GTF2A1L: variants seen among roughly 807,000 people sequenced by gnomAD.
GTF2A1L encodes general transcription factor IIA subunit 1 like.
Under a neutral mutation model 49.7 loss-of-function variants are expected in GTF2A1L, and 48 were observed. The observed-to-expected ratio is 0.97, with a 90% CI of 0.77 to 1.23. GTF2A1L has a LOEUF of 1.23. Ranked by LOEUF, GTF2A1L falls within the 50% of genes most tolerant of loss-of-function variation. GTF2A1L has a pLI of 0.00. For synonymous variants in GTF2A1L, 246 were observed against 193.5 expected, an observed-to-expected ratio of 1.27 and a Z score of -2.25; for missense variants, 736 against 564.8, an observed-to-expected ratio of 1.30 and a Z score of -3.07.
intron 7 of GTF2A1L, among the ~76,000 whole-genome samples, chr2:48,671,022 A>G (rs1375514388): frequency 1.3e-5 from 2 of 152,034 alleles, no homozygotes; most frequent in Admixed American, 6.6e-5. Flanking sequence ...GGGTTTCACC[A>G]TGCTGGCCAA....
intron 8 of GTF2A1L, among the ~76,000 whole-genome samples, chr2:48,676,628 T>C (rs1400380371): frequency 2.6e-5 from 4 of 151,876 alleles, no homozygotes; most frequent in African/African-American, 4.8e-5. Context: ...CTTTTTGTTA[T>C]ACACAGAAGT....
At chr2:48,674,710 A>G (rs1450640841) in intron 8 of GTF2A1L, among the ~76,000 whole-genome samples, 1 of 152,140 alleles carries the variant, frequency 6.6e-6, no homozygotes, top group Non-Finnish European at 1.5e-5. Flanking sequence ...TGGATGTGGT[A>G]TCCTTTGTTT....
At chr2:48,617,950 C>T in intron 1 of GTF2A1L, 55 bp downstream of exon 1, 4 of 1,522,906 alleles carry the variant, frequency 2.6e-6, no homozygotes, top group Non-Finnish European at 3.6e-6. Context: ...TCCGGGTTCA[C>T]GGCAGCCGAA....
chr2:48,642,384 AT>A lies in GTF2A1L; in HGVS notation c.248-14del. 6.4e-7 allele frequency: 1 copy of A among 1,557,008 alleles called. No individual in the cohort carries two copies. On this transcript the variant is annotated splice_polypyrimidine_tract_variant and intron_variant, in intron 3 of 8. Transcript: ENST00000403751. ...GGTAAATTCTAATGAATGTATATTT[AT>A]TTTGTTTCCTATGCAGCATCATTAG...
At chr2:48,652,957 C>A (rs1045970306) in intron 6 of GTF2A1L, among the ~76,000 whole-genome samples, 1 of 151,580 alleles carries the variant, frequency 6.6e-6, no homozygotes, top group Non-Finnish European at 1.5e-5. Context: ...AGGCCGGGCA[C>A]GGTGGCTCAC....
intron 6 of GTF2A1L, among the ~76,000 whole-genome samples, chr2:48,648,306 G>T (rs965835685): frequency 1.3e-5 from 2 of 151,980 alleles, no homozygotes; most frequent in African/African-American, 4.8e-5. Context: ...ATTTGATTTT[G>T]AGGTAAAACT....
At chr2:48,645,547 G>A (rs577225902) in intron 5 of GTF2A1L, among the ~76,000 whole-genome samples, 13 of 152,232 alleles carry the variant, frequency 8.5e-5, no homozygotes, top group East Asian at 1.9e-4. Flanking sequence ...GAGGTTAACC[G>A]GTTTCTGCTT....
In GTF2A1L at chr2:48,669,959, C is replaced by A. The variant is rs1334913877; in HGVS notation, c.1216C>A (p.Pro406Thr). 6.8e-6 allele frequency: 11 copies of A among 1,613,242 alleles called. No individual in the cohort carries two copies. Among genetic ancestry groups the A allele is most frequent in the Admixed American group, 1.7e-5 (1 of 59,914 alleles). ...CACAAACAGTAGTGATAATGAAGACCCTCAAGTAAACATTGTAGAAGAGGT... is the reference window on the plus strand; with the variant it reads ...CACAAACAGTAGTGATAATGAAGACACTCAAGTAAACATTGTAGAAGAGGT... ...SATNSSDNED[P>T]QVNIVEEDPL... Residue 406 changes from proline (P) to threonine (T), a missense_variant, in exon 7 of 9, where the codon CCT becomes ACT. By Grantham distance (38) the Pro-to-Thr change is conservative. Coordinates refer to ENST00000403751, the MANE Select transcript of GTF2A1L (RefSeq NM_006872.5).
chr2:48,640,444 C>T (rs1677138109), intron 3 of GTF2A1L, among the ~76,000 whole-genome samples: 1 of 151,980 alleles, frequency 6.6e-6, no homozygotes, highest in Non-Finnish European at 1.5e-5. Context: ...GCAGGAAAGA[C>T]AGCCAAATAC....
intron 6 of GTF2A1L, among the ~76,000 whole-genome samples, chr2:48,654,923 C>T (rs1678087553): frequency 6.6e-6 from 1 of 152,144 alleles, no homozygotes; most frequent in African/African-American, 2.4e-5. Context: ...TATAGTAAAT[C>T]AGAGAGTGTG....
At position 48,645,078 on chromosome 2, in the gene GTF2A1L, A is replaced by G. The variant is rs1244825598; in HGVS notation, c.349A>G (p.Ile117Val). 1.2e-6 allele frequency: 2 copies of G among 1,612,910 alleles called. No homozygotes were observed. The highest frequency in any genetic ancestry group is 1.1e-5 in the South Asian group (1 of 90,800). Residue 117 changes from isoleucine to valine, a missense_variant, in exon 5 of 9, where the codon ATT becomes GTT. Physicochemically the swap from Ile to Val is conservative, Grantham distance 29. Coordinates refer to ENST00000403751, the MANE Select transcript of GTF2A1L (RefSeq NM_006872.5). Reference protein sequence around the residue: ...SANFTFPGYPIHVPAGVTLQT... With the variant: ...SANFTFPGYPVHVPAGVTLQT... ...AAACTTTACTTTTCCTGGTTATCCC[A>G]TTCATGTACCAGCAGGTGTGACACT...
chr2:48,662,766 A>G (rs1678585830), intron 6 of GTF2A1L, among the ~76,000 whole-genome samples: 1 of 151,386 alleles, frequency 6.6e-6, no homozygotes, highest in African/African-American at 2.4e-5. Flanking sequence ...TTGTACATAG[A>G]TGCGTTGCTT....
At chr2:48,665,286 CTTT>C (rs34095285) in intron 6 of GTF2A1L, among the ~76,000 whole-genome samples, 3 of 130,076 alleles carry the variant, frequency 2.3e-5, no homozygotes, top group Admixed American at 7.7e-5. Flanking sequence ...TTCTCTCTCT[CTTT>C]TTTTTTTTTT....
At chr2:48,641,090 A>AT (rs1366520291) in intron 3 of GTF2A1L, among the ~76,000 whole-genome samples, 2 of 152,030 alleles carry the variant, frequency 1.3e-5, no homozygotes, top group South Asian at 2.1e-4. Context: ...GATTGTTGCT[A>AT]TTTTTTCTCA....
rs752144013 is a variant in GTF2A1L at position 48,646,769 on chromosome 2, T to C, written c.705T>C (p.His235=). The change falls in exon 6 of 9, where the codon CAT becomes CAC. Residue 235 remains histidine (H), a synonymous_variant. Coordinates refer to ENST00000403751, the MANE Select transcript of GTF2A1L (RefSeq NM_006872.5). ...TCGTGCCTGAAGCTTTGTTGTGTCA[T>C]CAGGAAAGTTCTCACTATATCAGTC... ...HKIVPEALLC[H]QESSHYISLP... The C allele has an allele frequency of 1.9e-6, 3 of 1,614,194 alleles. No homozygotes were observed. Among genetic ancestry groups the C allele is most frequent in the South Asian group, 1.1e-5 (1 of 91,080 alleles).
chr2:48,625,100 T>C (rs1252000822), intron 3 of GTF2A1L, among the ~76,000 whole-genome samples: 1 of 144,086 alleles, frequency 6.9e-6, no homozygotes, highest in African/African-American at 2.5e-5. Flanking sequence ...CTGAATCACG[T>C]GGTAATTCTA....
At chr2:48,634,658 T>G (rs1413733712) in intron 3 of GTF2A1L, among the ~76,000 whole-genome samples, 1 of 152,208 alleles carries the variant, frequency 6.6e-6, no homozygotes, top group African/African-American at 2.4e-5. Context: ...TTATGAAACT[T>G]AACTTGGCAG....
chr2:48,637,270 T>C (rs1291967780), intron 3 of GTF2A1L, among the ~76,000 whole-genome samples: 1 of 152,186 alleles, frequency 6.6e-6, no homozygotes, highest in Non-Finnish European at 1.5e-5. Flanking sequence ...ACTGCCGCAA[T>C]GTATCAAAGA....
chr2:48,636,477 C>A (rs1005846084), intron 3 of GTF2A1L, among the ~76,000 whole-genome samples: 1 of 151,942 alleles, frequency 6.6e-6, no homozygotes, highest in Non-Finnish European at 1.5e-5. Context: ...ATAAAGTGAC[C>A]ACTTGCAAGG....
Sources: gnomAD v4.1 joint callset for allele counts (sites outside exome capture counted in the v4.1 genomes callset) on GRCh38, gnomAD v4.1.1 for gene constraint, MANE v1.5 for transcripts, NCBI Gene and HGNC (gene_info 2026-07-23, HGNC 2026-07-21) for gene names.